The following SGCZ variants were observed in gnomAD, a reference collection of about 807,000 sequenced individuals.
SGCZ encodes zeta-sarcoglycan.
In SGCZ, 40 loss-of-function variants were observed where a neutral mutation model predicts 41.3. The ratio of observed to expected loss-of-function variants is 0.97; its 90% confidence interval spans 0.75 to 1.26. The LOEUF is 1.26. Ranked by LOEUF, SGCZ falls within the 50% of genes most tolerant of loss-of-function variation. The probability of loss-of-function intolerance (pLI) is 0.00; values close to 1 mark genes in which losing one functional copy is unlikely to be tolerated. For missense variants in SGCZ, 552 were observed against 369.8 expected (o/e 1.49, Z -4.04); for synonymous variants, 206 against 137.5 (o/e 1.50, Z -3.49).
chr8:14,414,226 G>A (rs973687732), intron 2 of SGCZ, among the ~76,000 whole-genome samples: 6 of 151,622 alleles, frequency 4.0e-5, no homozygotes, highest in South Asian at 2.1e-4. Flanking sequence ...GCACACGCTA[G>A]AGAGAGACAT....
Position 14,138,581 on chromosome 8 carries a change from A to G in SGCZ, c.547+25999T>C, listed in dbSNP as rs534676539. On this transcript the variant is annotated intron_variant, in intron 5 of 7. Transcript: ENST00000382080. ...ATGGACTTCAAACCAACAAAGATCA[A>G]AAGAGACAAAGAAGGGCATTACATA... 1.4e-4 allele frequency among the ~76,000 whole-genome samples: 21 copies of G among 152,326 alleles called. 1 individual carries two copies. In the South Asian group the frequency reaches 4.3e-3, roughly 32 times the overall value.
chr8:14,488,142 C>T (rs998241857), intron 2 of SGCZ, among the ~76,000 whole-genome samples: 1 of 134,198 alleles, frequency 7.5e-6, no homozygotes, highest in Non-Finnish European at 1.6e-5. Flanking sequence ...CTGGATTCCC[C>T]TTTTAACTTC....
chr8:14,430,463 G>A (rs934575149), intron 2 of SGCZ, among the ~76,000 whole-genome samples: 1 of 152,082 alleles, frequency 6.6e-6, no homozygotes, highest in South Asian at 2.1e-4. Context: ...CATGTCATCA[G>A]ATGCAGAAAA....
intron 4 of SGCZ, among the ~76,000 whole-genome samples, chr8:14,236,131 C>T (rs139476715): frequency 4.1e-4 from 63 of 152,276 alleles, no homozygotes; most frequent in African/African-American, 1.4e-3. Flanking sequence ...TTTCCATAGG[C>T]CTATAGTTTC....
intron 1 of SGCZ, among the ~76,000 whole-genome samples, chr8:15,227,921 A>T (rs1801829056): frequency 6.6e-6 from 1 of 152,188 alleles, no homozygotes; most frequent in Non-Finnish European, 1.5e-5. Context: ...TGTCAAACCA[A>T]TATACAGCAC....
intron 6 of SGCZ, among the ~76,000 whole-genome samples, chr8:14,107,078 C>T (rs1802226889): frequency 2.0e-5 from 3 of 151,830 alleles, no homozygotes; most frequent in Admixed American, 6.6e-5. Context: ...TAACCGGGCA[C>T]AATGGCGGGC....
At chr8:14,161,888 C>T (rs895026200) in intron 5 of SGCZ, among the ~76,000 whole-genome samples, 2 of 152,024 alleles carry the variant, frequency 1.3e-5, no homozygotes, top group Non-Finnish European at 2.9e-5. Flanking sequence ...GTACACATCA[C>T]ACACACATAG....
rs180901895 is a variant in SGCZ at position 14,098,390 on chromosome 8, G to A, written c.744+3986C>T. On this transcript the variant is annotated intron_variant, in intron 7 of 7. Coordinates refer to ENST00000382080, the MANE Select transcript of SGCZ (RefSeq NM_139167.4). The stretch of plus-strand genomic sequence containing the variant: ...AAACCCAAGGCAATACATTTTGGGG[G>A]TATGGATGTTGGGTCTCATTTCTTC... 8.9e-4 allele frequency among the ~76,000 whole-genome samples: 135 copies of A among 152,252 alleles called. No homozygotes were observed. In the East Asian group the frequency reaches 0.018, roughly 20 times the overall value.
At chr8:14,552,707 T>C (rs1001986586) in intron 2 of SGCZ, among the ~76,000 whole-genome samples, 2 of 152,064 alleles carry the variant, frequency 1.3e-5, no homozygotes, top group South Asian at 4.1e-4. Context: ...ACTGTGTCAA[T>C]GATTTAACAG....
chr8:14,382,123 G>C (rs1034518341), intron 2 of SGCZ, among the ~76,000 whole-genome samples: 6 of 150,850 alleles, frequency 4.0e-5, no homozygotes, highest in Admixed American at 4.0e-4. Flanking sequence ...TGATGAAAGG[G>C]ACCACAGGGA....
rs372103478 is a variant in SGCZ at position 14,239,860 on chromosome 8, C to G, written c.337-2181G>C. ...GAGCTTGCAGTGAGCCGAGATCCCA[C>G]CACTGCACTCCAGCCTGGGCGACAG... On this transcript the variant is annotated intron_variant, in intron 3 of 7. Transcript: ENST00000382080. Among the ~76,000 whole-genome samples, 12 of 120,804 alleles carry G rather than the reference C, an allele frequency of 9.9e-5. No individual in the cohort carries two copies. In the East Asian group the frequency reaches 2.9e-3, roughly 30 times the overall value. 79.3% of individuals were successfully genotyped at this position (120,804 alleles called of 152,430 possible). A position where few individuals can be genotyped will look rare whatever the true frequency, so the allele number is the denominator to read the frequency against.
intron 1 of SGCZ, among the ~76,000 whole-genome samples, chr8:14,592,875 C>A (rs1284676261): frequency 6.6e-6 from 1 of 152,092 alleles, no homozygotes; most frequent in Non-Finnish European, 1.5e-5. Context: ...CAGTACAGGG[C>A]AAAAAGCATC....
At chr8:14,283,152 A>G (rs1266586540) in intron 3 of SGCZ, among the ~76,000 whole-genome samples, 1 of 150,566 alleles carries the variant, frequency 6.6e-6, no homozygotes, top group East Asian at 2.0e-4. Flanking sequence ...CCCAGCCTCA[A>G]ATACTTTTAA....
At chr8:14,795,715 A>C (rs998810788) in intron 1 of SGCZ, among the ~76,000 whole-genome samples, 1 of 152,144 alleles carries the variant, frequency 6.6e-6, no homozygotes, top group African/African-American at 2.4e-5. Flanking sequence ...AGTGCATATT[A>C]ATTACATAGG....
chr8:15,065,546 G>A lies in SGCZ; in HGVS notation c.39+172039C>T, dbSNP rs541511940. Among the ~76,000 whole-genome samples the A allele has an allele frequency of 5.5e-3, 838 of 151,866 alleles. 9 individuals are homozygous for A. Among genetic ancestry groups the A allele is most frequent in the African/African-American group, 0.019 (804 of 41,426 alleles). On this transcript the variant is annotated intron_variant, in intron 1 of 7. Coordinates refer to ENST00000382080, the MANE Select transcript of SGCZ (RefSeq NM_139167.4). ...TGCAATCTCCACCTCCTAGGCTCAA[G>A]CCAACCTCCTACCTCAGCCTCTTGA... is the stretch of plus-strand genomic sequence containing the variant.
intron 1 of SGCZ, among the ~76,000 whole-genome samples, chr8:15,201,642 A>T (rs1308088083): frequency 6.6e-6 from 1 of 152,180 alleles, no homozygotes; most frequent in East Asian, 1.9e-4. Flanking sequence ...GGCTTGTGAA[A>T]CTGCTCCTCT....
At chr8:15,017,016 C>A (rs747807150) in intron 1 of SGCZ, among the ~76,000 whole-genome samples, 1 of 152,172 alleles carries the variant, frequency 6.6e-6, no homozygotes, top group Non-Finnish European at 1.5e-5. Context: ...CCAAACACCT[C>A]CCACTAGACT....
At chr8:14,785,102 T>C (rs949286943) in intron 1 of SGCZ, among the ~76,000 whole-genome samples, 4 of 150,530 alleles carry the variant, frequency 2.7e-5, no homozygotes, top group Admixed American at 6.7e-5. Context: ...TACAAAGTCA[T>C]TGTTTTTAGT....
intron 1 of SGCZ, among the ~76,000 whole-genome samples, chr8:14,947,556 T>G (rs1466531402): frequency 6.6e-6 from 1 of 152,196 alleles, no homozygotes; most frequent in East Asian, 1.9e-4. Flanking sequence ...CAGCATCACT[T>G]TATAACTGCA....
Sources: gnomAD v4.1 joint callset for allele counts (sites outside exome capture counted in the v4.1 genomes callset) on GRCh38, gnomAD v4.1.1 for gene constraint, MANE v1.5 for transcripts, NCBI Gene and HGNC (gene_info 2026-07-23, HGNC 2026-07-21) for gene names.